DESI1: variants seen among roughly 807,000 people sequenced by gnomAD.
DESI1 encodes the protein desumoylating isopeptidase 1.
A neutral mutation model predicts 22.4 loss-of-function variants in DESI1; 17 were observed. The ratio of observed to expected loss-of-function variants is 0.76; its 90% confidence interval spans 0.52 to 1.14. The LOEUF is 1.14. Ranked by LOEUF, DESI1 falls within the 50% of genes most tolerant of loss-of-function variation. The pLI, the probability that DESI1 is intolerant of heterozygous loss-of-function variation, is 0.00. For synonymous variants in DESI1, 92 were observed against 84.2 expected, an observed-to-expected ratio of 1.09 and a Z score of -0.51; for missense variants, 177 against 208.9, an observed-to-expected ratio of 0.85 and a Z score of 0.94.
Position 41,602,811 on chromosome 22 carries a change from T to C in DESI1, c.413+448A>G, listed in dbSNP as rs555328603. ...GTAATACATGAGGGCAAGTAGAACA[T>C]AGTCGTTGAGGGAGTCAAAGAGTTC... On this transcript the variant is annotated intron_variant, in intron 5 of 5. Coordinates refer to ENST00000263256, the MANE Select transcript of DESI1 (RefSeq NM_015704.3). The C allele has an allele frequency of 2.6e-5, 27 of 1,035,274 alleles. 1 individual carries two copies. In the South Asian group the frequency reaches 4.6e-4, roughly 18 times the overall value. 64.1% of individuals were successfully genotyped at this position (1,035,274 alleles called of 1,614,324 possible).
At chr22:41,608,932 G>A (rs1371252862) in intron 1 of DESI1, among the ~76,000 whole-genome samples, 2 of 152,036 alleles carry the variant, frequency 1.3e-5, no homozygotes, top group African/African-American at 2.4e-5. Flanking sequence ...TGCTACCTTC[G>A]CTGTTTGCCC....
chr22:41,600,807 C>T lies in DESI1; in HGVS notation c.*290G>A. The stretch of plus-strand genomic sequence containing the variant: ...ACTCGCTTTCTGTTTAAACAAAGCC[C>T]CTCCCTTTCTCCAGTGTGGAGGACG... On this transcript the variant is annotated 3_prime_UTR_variant, in exon 6 of 6. Transcript: ENST00000263256. The T allele has an allele frequency of 3.1e-6, 1 of 324,304 alleles. No individual in the cohort carries two copies. The highest frequency in any genetic ancestry group is 3.2e-5 in the South Asian group (1 of 31,010). The allele number at this position is 324,304 out of a possible 1,614,324, so 20.1% of individuals were successfully genotyped here.
intron 1 of DESI1, among the ~76,000 whole-genome samples, chr22:41,617,880 C>T (rs1380763750): frequency 1.3e-5 from 2 of 152,118 alleles, no homozygotes; most frequent in Non-Finnish European, 2.9e-5. Flanking sequence ...CCCCTTCACC[C>T]ACTACACTCC....
intron 3 of DESI1, among the ~76,000 whole-genome samples, chr22:41,607,009 G>C (rs1037326713): frequency 4.6e-5 from 7 of 152,126 alleles, no homozygotes; most frequent in African/African-American, 1.7e-4. Flanking sequence ...AGCTTACACA[G>C]TTCCCTGTGG....
chr22:41,607,587 C>T (rs1394216047), intron 2 of DESI1, among the ~76,000 whole-genome samples: 4 of 152,162 alleles, frequency 2.6e-5, no homozygotes, highest in African/African-American at 4.8e-5. Context: ...TGTTGAGCAG[C>T]GTCCCTGCCT....
At chr22:41,608,513 G>A (rs2067495816) in intron 1 of DESI1, among the ~76,000 whole-genome samples, 1 of 152,160 alleles carries the variant, frequency 6.6e-6, no homozygotes, top group Admixed American at 6.5e-5. Flanking sequence ...ACAAGTAAGG[G>A]CAGGGATGGA....
At chr22:41,603,093 G>A in intron 5 of DESI1, 166 bp downstream of exon 5, 4 of 1,002,672 alleles carry the variant, frequency 4.0e-6, no homozygotes, top group Non-Finnish European at 5.8e-6. Context: ...TAATACAGGT[G>A]CGCATCAGTG....
intron 3 of DESI1, among the ~76,000 whole-genome samples, chr22:41,604,826 C>T (rs2067469951): frequency 6.6e-6 from 1 of 152,094 alleles, no homozygotes; most frequent in African/African-American, 2.4e-5. Context: ...TGCGTATGGC[C>T]CACAGGCTGC....
At position 41,619,452 on chromosome 22, in the gene DESI1, C is replaced by T. The variant is rs765439636; in HGVS notation, c.88+1300G>A. Among the ~76,000 whole-genome samples, 6 of 152,336 alleles carry T rather than the reference C, an allele frequency of 3.9e-5. No homozygotes were observed. The East Asian group carries it at 1.2e-3, about 29-fold the overall frequency. On this transcript the variant is annotated intron_variant, in intron 1 of 5. Coordinates refer to ENST00000263256, the MANE Select transcript of DESI1 (RefSeq NM_015704.3). ...GGCATCAAGTTCCCCTTTCCATAAG[C>T]TACTGCTGTTATCAATTTCTTGTGT...
In DESI1 at chr22:41,598,667, AC is replaced by A; in HGVS notation, c.*2429del. On this transcript the variant is annotated 3_prime_UTR_variant, in exon 6 of 6. Transcript: ENST00000263256. ...AAAAAAAGGAGCTGTGATGCCCAGAACCCCCTGGATGGAGGGGAGACCCCAG... is the reference window on the plus strand; with the variant it reads ...AAAAAAAGGAGCTGTGATGCCCAGAACCCCTGGATGGAGGGGAGACCCCAG... 6.6e-6 allele frequency: 1 copy of A among 152,412 alleles called. No individual in the cohort carries two copies. The highest frequency in any genetic ancestry group is 1.5e-5 in the Non-Finnish European group (1 of 68,200). 9.4% of individuals were successfully genotyped at this position (152,412 alleles called of 1,614,324 possible).
rs1356841700 is a variant in DESI1, at chr22:41,616,243, CAA to C, written c.88+4507_88+4508del. ...GGGCAACAAGAGTGAAACTCTGCCT[CAA>C]AAAAAGAAAAATTCCTGGAGGACAG... On this transcript the variant is annotated intron_variant, in intron 1 of 5. Transcript: ENST00000263256. 3.3e-5 allele frequency among the ~76,000 whole-genome samples: 5 copies of C among 151,942 alleles called. No homozygotes were observed. The East Asian group carries it at 9.7e-4, about 29-fold the overall frequency.
chr22:41,604,219 C>T, intron 3 of DESI1, 66 bp from the exon 4 acceptor site: 1 of 1,299,208 alleles, frequency 7.7e-7, no homozygotes, highest in East Asian at 2.4e-5. Flanking sequence ...AATGTGGCTT[C>T]CCACAGTAGA....
intron 1 of DESI1, among the ~76,000 whole-genome samples, chr22:41,611,315 T>C (rs1302074288): frequency 6.6e-6 from 1 of 152,124 alleles, no homozygotes; most frequent in African/African-American, 2.4e-5. Flanking sequence ...GTATTTTTAG[T>C]AGAGATTGGG....
At chr22:41,613,587 C>T (rs2067531251) in intron 1 of DESI1, among the ~76,000 whole-genome samples, 1 of 152,188 alleles carries the variant, frequency 6.6e-6, no homozygotes, top group South Asian at 2.1e-4. Flanking sequence ...TTGAGATGAG[C>T]TGTTCTGTTT....
At position 41,607,344 on chromosome 22, in the gene DESI1, G is replaced by A. The variant is rs1198262100; in HGVS notation, c.111-13C>T. The stretch of plus-strand genomic sequence containing the variant: ...TATGGATGTGTGCCTGTCACACAGA[G>A]AGAGACACAGTAAGCCAGAAAACTT... On this transcript the variant is annotated splice_polypyrimidine_tract_variant and intron_variant, in intron 2 of 5. Transcript: ENST00000263256. 1.3e-6 allele frequency: 2 copies of A among 1,599,694 alleles called. No homozygotes were observed. The highest frequency in any genetic ancestry group is 1.4e-5 in the African/African-American group (1 of 73,958).
At chr22:41,610,673 G>T (rs542129682) in intron 1 of DESI1, among the ~76,000 whole-genome samples, 52 of 151,828 alleles carry the variant, frequency 3.4e-4, no homozygotes, top group African/African-American at 1.2e-3. Context: ...AGGAGTTTGA[G>T]ATCAGCCTGG....
rs2067444182 is a variant in DESI1 at position 41,600,553 on chromosome 22, G to C, written c.*544C>G. Reference sequence around the variant, plus strand: ...CTGCTCCAGCACTGGCCTTGCTTGGGGTAAGGGAGGGAAGGTGAGGGTTGT... The same window carrying C: ...CTGCTCCAGCACTGGCCTTGCTTGGCGTAAGGGAGGGAAGGTGAGGGTTGT... On this transcript the variant is annotated 3_prime_UTR_variant, in exon 6 of 6. Coordinates refer to ENST00000263256, the MANE Select transcript of DESI1 (RefSeq NM_015704.3). 6.5e-6 allele frequency: 1 copy of C among 154,322 alleles called. No individual in the cohort carries two copies. The highest frequency in any genetic ancestry group is 1.9e-4 in the East Asian group (1 of 5,198). The allele number at this position is 154,322 out of a possible 1,614,324, so 9.6% of individuals were successfully genotyped here.
chr22:41,617,516 T>C (rs950850424), intron 1 of DESI1, among the ~76,000 whole-genome samples: 7 of 152,240 alleles, frequency 4.6e-5, no homozygotes, highest in African/African-American at 1.4e-4. Flanking sequence ...TGGCTACTTA[T>C]AGCACTGGGA....
At chr22:41,620,062 A>T (rs2067575907) in intron 1 of DESI1, among the ~76,000 whole-genome samples, 1 of 152,168 alleles carries the variant, frequency 6.6e-6, no homozygotes, top group Non-Finnish European at 1.5e-5. Flanking sequence ...CCTTATTCAC[A>T]CAGCCTCATC....
Sources: gnomAD v4.1 joint callset for allele counts (sites outside exome capture counted in the v4.1 genomes callset) on GRCh38, gnomAD v4.1.1 for gene constraint, MANE v1.5 for transcripts, NCBI Gene and HGNC (gene_info 2026-07-23, HGNC 2026-07-21) for gene names.